The following C19orf47 variants were observed in gnomAD, a reference collection of about 807,000 sequenced individuals.
C19orf47 encodes uncharacterized protein C19orf47.
A neutral mutation model predicts 32.3 loss-of-function variants in C19orf47; 18 were observed. The observed-to-expected ratio is 0.56, with a 90% CI of 0.39 to 0.83. The LOEUF is 0.83. Among genes scored for constraint, C19orf47 ranks in the 40% least tolerant of loss-of-function variants. The probability of loss-of-function intolerance (pLI) is 0.00; values close to 1 mark genes in which losing one functional copy is unlikely to be tolerated. For missense variants in C19orf47, 484 were observed against 531.6 expected (o/e 0.91, Z 0.88); for synonymous variants, 202 against 211.1 (o/e 0.96, Z 0.37).
intron 2 of C19orf47, 64 bp downstream of exon 2, chr19:40,341,775 C>A: frequency 1.3e-6 from 2 of 1,534,062 alleles, no homozygotes; most frequent in Non-Finnish European, 1.7e-6. Context: ...CATCCCCCAC[C>A]AAGGCCATAC....
chr19:40,295,820 C>T, the C19orf47 span, among the ~76,000 whole-genome samples: 1 of 152,110 alleles, frequency 6.6e-6, no homozygotes, highest in African/African-American at 2.4e-5. Context: ...AATCACCACT[C>T]ACTGCAGCCT....
At position 40,338,266 on chromosome 19, in the gene C19orf47, TACAC is replaced by T. The variant is rs35520400; in HGVS notation, c.20-1863_20-1860del. Among the ~76,000 whole-genome samples the T allele has an allele frequency of 8.7e-3, 1,243 of 143,568 alleles. 12 individuals are homozygous for T. The highest frequency in any genetic ancestry group is 0.028 in the South Asian group (125 of 4,510). 94.2% of individuals were successfully genotyped at this position (143,568 alleles called of 152,430 possible). ...TTTTTTGTATATATATACATATATATACACACACACACACACACACACACAAATA... is the reference window on the plus strand; with the variant it reads ...TTTTTTGTATATATATACATATATATACACACACACACACACACACAAATA... On this transcript the variant is annotated intron_variant, in intron 2 of 8. Transcript: ENST00000683109.
At chr19:40,332,327 C>A (rs1326044462) in intron 5 of C19orf47, among the ~76,000 whole-genome samples, 1 of 150,370 alleles carries the variant, frequency 6.7e-6, no homozygotes, top group Non-Finnish European at 1.5e-5. Context: ...CGCACTCCAA[C>A]GTAGGCAACA....
At chr19:40,302,669 C>G in the C19orf47 span, among the ~76,000 whole-genome samples, 1 of 152,146 alleles carries the variant, frequency 6.6e-6, no homozygotes, top group Non-Finnish European at 1.5e-5. Context: ...CAGAAGAAAA[C>G]TATAGTGTAT....
intron 7 of C19orf47, among the ~76,000 whole-genome samples, chr19:40,325,703 G>A (rs1236923004): frequency 2.0e-5 from 3 of 152,318 alleles, no homozygotes; most frequent in Admixed American, 6.5e-5. Context: ...ATGCTGGTCT[G>A]GAAAGGTTAA....
the C19orf47 span, among the ~76,000 whole-genome samples, chr19:40,300,156 T>TA: frequency 6.6e-6 from 1 of 152,050 alleles, no homozygotes; most frequent in Non-Finnish European, 1.5e-5. Flanking sequence ...ATGAGGGTGA[T>TA]AAAAAACATT....
the C19orf47 span, among the ~76,000 whole-genome samples, chr19:40,311,316 T>C: frequency 1.3e-5 from 2 of 151,654 alleles, no homozygotes; most frequent in Admixed American, 1.3e-4. Context: ...GAGGCACAGG[T>C]TGCGGTGAGC....
At chr19:40,336,430 T>C (rs766806863) in intron 2 of C19orf47, 23 bp from the exon 3 acceptor site, 6 of 1,593,298 alleles carry the variant, frequency 3.8e-6, no homozygotes, top group African/African-American at 1.3e-5. Flanking sequence ...ACAGGGCTCA[T>C]TACTCACACT....
the C19orf47 span, among the ~76,000 whole-genome samples, chr19:40,314,017 G>A: frequency 6.6e-6 from 1 of 152,118 alleles, no homozygotes; most frequent in South Asian, 2.1e-4. Context: ...TTCCACCACT[G>A]TTCTGCAATT....
chr19:40,305,117 C>T, the C19orf47 span, among the ~76,000 whole-genome samples: 1 of 151,974 alleles, frequency 6.6e-6, no homozygotes, highest in South Asian at 2.1e-4. Flanking sequence ...CAAAGGAGAG[C>T]GGATCACCTG....
intron 7 of C19orf47, among the ~76,000 whole-genome samples, chr19:40,325,007 C>T (rs541384799): frequency 3.4e-4 from 52 of 150,806 alleles, no homozygotes; most frequent in African/African-American, 1.2e-3. Flanking sequence ...TGGTGGCTCA[C>T]GCCTGTAATC....
At chr19:40,301,846 G>GA in the C19orf47 span, among the ~76,000 whole-genome samples, 7 of 138,088 alleles carry the variant, frequency 5.1e-5, no homozygotes, top group African/African-American at 2.0e-4. Context: ...CTCTGTCTAG[G>GA]AAAAAAATCT....
chr19:40,303,397 C>T, the C19orf47 span, among the ~76,000 whole-genome samples: 3 of 150,862 alleles, frequency 2.0e-5, no homozygotes, highest in African/African-American at 7.3e-5. Flanking sequence ...GTGGTGGGCA[C>T]CTGTAGTCCC....
At chr19:40,348,525 C>T (rs11667768), upstream of C19orf47, 110,394 of 1,475,440 alleles carry the variant, frequency 0.075, 5,193 homozygotes, top group African/African-American at 0.23. Flanking sequence ...CACGTGACCG[C>T]CCACCGACAC....
intron 5 of C19orf47, chr19:40,332,551 G>A (rs1028560492): frequency 3.9e-5 from 6 of 152,006 alleles, no homozygotes; most frequent in Non-Finnish European, 8.8e-5. Flanking sequence ...GGAGGCTGAG[G>A]CAGGAGAACT....
the C19orf47 span, among the ~76,000 whole-genome samples, chr19:40,296,590 G>C: frequency 7.9e-5 from 12 of 152,002 alleles, no homozygotes; most frequent in Non-Finnish European, 1.6e-4. Context: ...CCAAGTGTTC[G>C]TATATCTAAA....
At chr19:40,297,569 C>T in the C19orf47 span, among the ~76,000 whole-genome samples, 4 of 152,028 alleles carry the variant, frequency 2.6e-5, no homozygotes, top group Non-Finnish European at 4.4e-5. Flanking sequence ...GGCATGGTGG[C>T]GGGCATCTGT....
At chr19:40,306,203 C>G in the C19orf47 span, among the ~76,000 whole-genome samples, 1 of 143,572 alleles carries the variant, frequency 7.0e-6, no homozygotes, top group Non-Finnish European at 1.5e-5. Context: ...ATCTTAGGAA[C>G]TACACACAAG....
At chr19:40,330,786 A>C (rs1210397131) in intron 5 of C19orf47, among the ~76,000 whole-genome samples, 1 of 152,118 alleles carries the variant, frequency 6.6e-6, no homozygotes, top group Non-Finnish European at 1.5e-5. Flanking sequence ...GGCCTCCCAA[A>C]GTGCTGGGAT....
Sources: allele counts gnomAD v4.1 joint callset (sites outside exome capture counted in the v4.1 genomes callset), GRCh38; gene constraint gnomAD v4.1.1; transcripts MANE v1.5; gene names NCBI Gene and HGNC (gene_info 2026-07-23, HGNC 2026-07-21).